ATF7IP2: variants seen among roughly 807,000 people sequenced by gnomAD.
The protein encoded by ATF7IP2 is activating transcription factor 7 interacting protein 2.
In ATF7IP2, 42 loss-of-function variants were observed where a neutral mutation model predicts 64.2. The ratio of observed to expected loss-of-function variants is 0.65; its 90% CI spans 0.51 to 0.85. The LOEUF (loss-of-function observed/expected upper bound fraction) is 0.85, where lower values mean the gene tolerates loss of function less well. ATF7IP2 is among the 40% of genes least tolerant of loss of function. The probability of loss-of-function intolerance (pLI) is 0.00; values close to 1 mark genes in which losing one functional copy is unlikely to be tolerated. For synonymous variants in ATF7IP2, 308 were observed against 272.8 expected, an observed-to-expected ratio of 1.13 and a Z score of -1.27; for missense variants, 933 against 784.2, an observed-to-expected ratio of 1.19 and a Z score of -2.27.
chr16:10,469,493 A>G (rs756563572), intron 9 of ATF7IP2, among the ~76,000 whole-genome samples: 1 of 152,164 alleles, frequency 6.6e-6, no homozygotes, highest in Non-Finnish European at 1.5e-5. Flanking sequence ...ACAAAACCAC[A>G]TCATCAGATT....
chr16:10,438,383 T>G (rs551263255), intron 7 of ATF7IP2, 148 bp downstream of exon 7: 19 of 733,498 alleles, frequency 2.6e-5, no homozygotes, highest in Non-Finnish European at 3.4e-5. Flanking sequence ...TAGCTGAGAC[T>G]ACAGGTGCAC....
chr16:10,426,111 CTTAAA>C (rs2048081421), intron 3 of ATF7IP2, among the ~76,000 whole-genome samples: 1 of 152,138 alleles, frequency 6.6e-6, no homozygotes, highest in Non-Finnish European at 1.5e-5. Context: ...GGATTAAGGA[CTTAAA>C]TTATAAATGA....
chr16:10,431,305 G>C lies in ATF7IP2; in HGVS notation c.685G>C (p.Val229Leu), dbSNP rs2048243328. The change falls in exon 5 of 14, where the codon GTT becomes CTT. Residue 229 changes from valine to leucine, a missense_variant. By Grantham distance (32) the Val-to-Leu change is conservative. Transcript: ENST00000562102. Reference protein sequence around the residue: ...LCSEDSGFVPVEKTPNLVNSV... With the variant: ...LCSEDSGFVPLEKTPNLVNSV... ...TTCAGAAGACTCAGGTTTTGTGCCT[G>C]TTGAGAAAACACCTAATTTGGTGAA... The C allele has an allele frequency of 6.2e-7, 1 of 1,614,108 alleles. No homozygotes were observed.
chr16:10,472,958 T>A (rs1455976983), intron 10 of ATF7IP2, among the ~76,000 whole-genome samples: 1 of 152,192 alleles, frequency 6.6e-6, no homozygotes, highest in African/African-American at 2.4e-5. Context: ...TATTCAAAAT[T>A]CCCCATTTTC....
chr16:10,482,457 A>G lies in ATF7IP2; in HGVS notation c.*208A>G, dbSNP rs1026044726. ...GTCCTTCCAATGGATAAGTTCTAAAACATACGCTATCATTGGCCCATGTTG... is the reference window on the plus strand; with the variant it reads ...GTCCTTCCAATGGATAAGTTCTAAAGCATACGCTATCATTGGCCCATGTTG... On this transcript the variant is annotated 3_prime_UTR_variant, in exon 14 of 14. Coordinates refer to ENST00000562102, the MANE Select transcript of ATF7IP2 (RefSeq NM_001393719.1). The G allele has an allele frequency of 4.5e-6, 2 of 441,746 alleles. No homozygotes were observed. Among genetic ancestry groups the G allele is most frequent in the Non-Finnish European group, 8.0e-6 (2 of 251,072 alleles). 27.4% of individuals were successfully genotyped at this position (441,746 alleles called of 1,614,324 possible).
intron 9 of ATF7IP2, among the ~76,000 whole-genome samples, chr16:10,465,733 C>T (rs769048209): frequency 2.0e-5 from 3 of 149,008 alleles, no homozygotes; most frequent in South Asian, 4.5e-4. Context: ...AACGAGACTC[C>T]GGCCCAAAAA....
chr16:10,434,752 T>C (rs931361107), intron 6 of ATF7IP2, among the ~76,000 whole-genome samples: 2 of 152,186 alleles, frequency 1.3e-5, no homozygotes, highest in African/African-American at 2.4e-5. Flanking sequence ...GGATTCCAGC[T>C]GTGTCTTGTT....
Position 10,482,495 on chromosome 16 carries a change from G to C in ATF7IP2, c.*246G>C, listed in dbSNP as rs73499924. ...TTGGCCCATGTTGCTGAGGTGCATTGTGAACAATACCTTTAGTGACTGTGG... is the reference window on the plus strand; with the variant it reads ...TTGGCCCATGTTGCTGAGGTGCATTCTGAACAATACCTTTAGTGACTGTGG... On this transcript the variant is annotated 3_prime_UTR_variant, in exon 14 of 14. Transcript: ENST00000562102. The C allele has an allele frequency of 0.01, 3,378 of 329,228 alleles. 92 individuals are homozygous for C. The highest frequency in any genetic ancestry group is 0.066 in the African/African-American group (3,030 of 46,118). 20.4% of individuals were successfully genotyped at this position (329,228 alleles called of 1,614,324 possible).
chr16:10,433,132 T>C (rs2048312061), intron 5 of ATF7IP2, among the ~76,000 whole-genome samples: 1 of 152,114 alleles, frequency 6.6e-6, no homozygotes, highest in Non-Finnish European at 1.5e-5. Flanking sequence ...ACATTTTAGT[T>C]TTTCCATTTG....
chr16:10,461,643 G>A (rs1234086847), intron 9 of ATF7IP2, among the ~76,000 whole-genome samples: 1 of 152,074 alleles, frequency 6.6e-6, no homozygotes, highest in Non-Finnish European at 1.5e-5. Flanking sequence ...AAAACAAAGT[G>A]CATGATTCAG....
chr16:10,481,482 G>A (rs2050226864), intron 13 of ATF7IP2, among the ~76,000 whole-genome samples: 3 of 152,256 alleles, frequency 2.0e-5, no homozygotes, highest in Admixed American at 6.5e-5. Context: ...ACAGGATTTT[G>A]CCATGTTGGC....
chr16:10,461,708 A>G (rs1446603766), intron 9 of ATF7IP2, among the ~76,000 whole-genome samples: 2 of 152,176 alleles, frequency 1.3e-5, no homozygotes, highest in Non-Finnish European at 1.5e-5. Flanking sequence ...TTAGTACCAC[A>G]TATGCCATTT....
At position 10,431,281 on chromosome 16, in the gene ATF7IP2, T is replaced by G; in HGVS notation, c.661T>G (p.Ser221Ala). ...DKRQSDNILC[S>A]EDSGFVPVEK... ...AAGGCAAAGTGACAACATTTTATGT[T>G]CAGAAGACTCAGGTTTTGTGCCTGT... Residue 221 changes from serine (S) to alanine (A), a missense_variant, in exon 5 of 14, where the codon TCA (serine) becomes GCA (alanine). Transcript: ENST00000562102. The G allele has an allele frequency of 6.2e-7, 1 of 1,614,222 alleles. No homozygotes were observed. The highest frequency in any genetic ancestry group is 8.5e-7 in the Non-Finnish European group (1 of 1,180,040).
At chr16:10,472,939 A>G (rs1014746063) in intron 10 of ATF7IP2, among the ~76,000 whole-genome samples, 2 of 151,852 alleles carry the variant, frequency 1.3e-5, no homozygotes, top group Non-Finnish European at 2.9e-5. Context: ...TGTTTGGCTC[A>G]TAATTTCTTA....
chr16:10,436,063 T>TA (rs2048409129), intron 6 of ATF7IP2, among the ~76,000 whole-genome samples: 1 of 152,044 alleles, frequency 6.6e-6, no homozygotes, highest in African/African-American at 2.4e-5. Context: ...TGGTCATCGG[T>TA]AAAAATAATA....
chr16:10,475,749 G>C (rs1179912066), intron 12 of ATF7IP2, among the ~76,000 whole-genome samples: 3 of 88,496 alleles, frequency 3.4e-5, no homozygotes, highest in African/African-American at 9.8e-5. Flanking sequence ...AAAAAACAGA[G>C]AAAGAACAAA....
At chr16:10,418,739 T>C (rs1421677777) in intron 2 of ATF7IP2, among the ~76,000 whole-genome samples, 1 of 152,216 alleles carries the variant, frequency 6.6e-6, no homozygotes, top group African/African-American at 2.4e-5. Flanking sequence ...TTCTAGATGC[T>C]TTTTTATTCT....
chr16:10,472,923 C>CCAT (rs1417046698), intron 10 of ATF7IP2, among the ~76,000 whole-genome samples: 5 of 151,832 alleles, frequency 3.3e-5, no homozygotes, highest in African/African-American at 1.2e-4. Context: ...TCAAAAATAC[C>CCAT]CATCTTGTTT....
chr16:10,441,417 TG>T (rs1336066441), intron 8 of ATF7IP2, among the ~76,000 whole-genome samples: 2 of 152,198 alleles, frequency 1.3e-5, no homozygotes, highest in Admixed American at 6.5e-5. Flanking sequence ...CAGCATCTGT[TG>T]TTTCCTGACT....
Sources: gnomAD v4.1 joint callset for allele counts (sites outside exome capture counted in the v4.1 genomes callset) on GRCh38, gnomAD v4.1.1 for gene constraint, MANE v1.5 for transcripts, NCBI Gene and HGNC (gene_info 2026-07-23, HGNC 2026-07-21) for gene names.